The following ZNF214 variants were observed in gnomAD, a reference collection of about 807,000 sequenced individuals.
ZNF214 encodes BWSCR2-associated zinc finger protein 1.
In ZNF214, 43 loss-of-function variants were observed where a neutral mutation model predicts 53.9. The observed-to-expected ratio is 0.80, with a 90% confidence interval of 0.63 to 1.03. The LOEUF (loss-of-function observed/expected upper bound fraction) is 1.03. ZNF214 is among the 50% of genes least tolerant of loss of function. The pLI is 0.00. For synonymous variants in ZNF214, 217 were observed against 229.5 expected, an observed-to-expected ratio of 0.95 and a Z score of 0.49; for missense variants, 724 against 719.1, an observed-to-expected ratio of 1.01 and a Z score of -0.08.
intron 1 of ZNF214, among the ~76,000 whole-genome samples, chr11:7,016,758 A>G (rs939093977): frequency 3.3e-5 from 5 of 152,204 alleles, no homozygotes; most frequent in Non-Finnish European, 7.4e-5. Context: ...AGTAAAAAGA[A>G]TGTTTAAATT....
rs1178566495 is a variant in ZNF214, at chr11:6,999,821, A to G, written c.*41T>C. 6.5e-7 allele frequency: 1 copy of G among 1,544,038 alleles called. No individual in the cohort carries two copies. Among genetic ancestry groups the G allele is most frequent in the Non-Finnish European group, 8.7e-7 (1 of 1,146,918 alleles). On this transcript the variant is annotated 3_prime_UTR_variant, in exon 3 of 3. Coordinates refer to ENST00000278314, the MANE Select transcript of ZNF214 (RefSeq NM_013249.4). Reference sequence around the variant, plus strand: ...GCAGGATTTATAGGGTTTAAAGGTTAGGTAAACTTTGATTAAAGCTGTTAA... The same window carrying G: ...GCAGGATTTATAGGGTTTAAAGGTTGGGTAAACTTTGATTAAAGCTGTTAA...
intron 1 of ZNF214, among the ~76,000 whole-genome samples, chr11:7,015,248 C>G (rs1026208705): frequency 6.6e-6 from 1 of 151,744 alleles, no homozygotes; most frequent in African/African-American, 2.4e-5. Flanking sequence ...AATACCAGAA[C>G]CTATATAAAG....
intron 1 of ZNF214, among the ~76,000 whole-genome samples, chr11:7,010,878 A>G (rs1402527529): frequency 6.6e-6 from 1 of 151,968 alleles, no homozygotes; most frequent in East Asian, 1.9e-4. Flanking sequence ...AACTATATAT[A>G]TAAGGATATT....
intron 1 of ZNF214, among the ~76,000 whole-genome samples, chr11:7,015,087 G>T: frequency 8.4e-6 from 1 of 118,960 alleles, no homozygotes; most frequent in Admixed American, 1.2e-4. Context: ...ATAATAATTA[G>T]AATTTTTTTT....
chr11:7,017,257 A>T (rs1293002577), intron 1 of ZNF214, among the ~76,000 whole-genome samples: 1 of 152,202 alleles, frequency 6.6e-6, no homozygotes, highest in African/African-American at 2.4e-5. Context: ...ATCATTCATC[A>T]AATGGTTGTA....
intron 1 of ZNF214, among the ~76,000 whole-genome samples, chr11:7,007,322 A>AAAT (rs66515975): frequency 0.65 from 97,678 of 149,730 alleles, 32,292 homozygotes; most frequent in East Asian, 0.86. Context: ...AAAAATAATA[A>AAAT]AATAATTATA....
chr11:7,000,559 A>G lies in ZNF214; in HGVS notation c.1124T>C (p.Val375Ala). The G allele has an allele frequency of 1.2e-6, 2 of 1,611,982 alleles. No individual in the cohort carries two copies. Among genetic ancestry groups the G allele is most frequent in the Non-Finnish European group, 1.7e-6 (2 of 1,179,074 alleles). Residue 375 changes from valine to alanine, a missense_variant, in exon 3 of 3, where the codon GTT (valine) becomes GCT (alanine). Physicochemically the swap from Val to Ala is moderately conservative, Grantham distance 64. Coordinates refer to ENST00000278314, the MANE Select transcript of ZNF214 (RefSeq NM_013249.4). ...TTCTCCTGTGTGGACTCTCTGATGA[A>G]CATGAAGTACTGAACTCCGATTAAA... ...KSFNRSSVLH[V>A]HQRVHTGEKP...
chr11:7,001,374 A>G lies in ZNF214; in HGVS notation c.309T>C (p.Cys103=). The G allele has an allele frequency of 6.2e-7, 1 of 1,613,202 alleles. No individual in the cohort carries two copies. The change falls in exon 3 of 3, where the codon TGT becomes TGC. Residue 103 remains cysteine (C), a synonymous_variant. Transcript: ENST00000278314. ...GTGTGGAGAGTATTAACCATTCCTGACACTGGGAACGATCTTGCTGTGTGA... is the reference window on the plus strand; with the variant it reads ...GTGTGGAGAGTATTAACCATTCCTGGCACTGGGAACGATCTTGCTGTGTGA... ...KDLTQQDRSQ[C]QEWLILSTQV... is the part of the protein sequence containing the mutation.
chr11:7,017,276 A>G (rs1851791387), intron 1 of ZNF214, among the ~76,000 whole-genome samples: 1 of 152,246 alleles, frequency 6.6e-6, no homozygotes, highest in African/African-American at 2.4e-5. Flanking sequence ...TAGGAGTTCA[A>G]GTTCACATAA....
At chr11:7,005,435 TTAAAA>T (rs1270104343) in intron 1 of ZNF214, among the ~76,000 whole-genome samples, 1 of 152,038 alleles carries the variant, frequency 6.6e-6, no homozygotes, top group Admixed American at 6.6e-5. Flanking sequence ...AAATTGAGTT[TTAAAA>T]TAAAGTGGCA....
intron 1 of ZNF214, chr11:7,015,974 T>C (rs1320500859): frequency 6.6e-6 from 1 of 151,426 alleles, no homozygotes; most frequent in Non-Finnish European, 1.5e-5. Context: ...ATCAAATTTG[T>C]GGGGGAAAGA....
intron 1 of ZNF214, among the ~76,000 whole-genome samples, chr11:7,017,357 A>G (rs184435741): frequency 2.0e-4 from 31 of 152,318 alleles, no homozygotes; most frequent in Admixed American, 1.6e-3. Context: ...CTGTTTTCCT[A>G]TTTCTCAGAG....
rs1399059151 is a variant in ZNF214 at position 6,999,779 on chromosome 11, A to G, written c.*83T>C. On this transcript the variant is annotated 3_prime_UTR_variant, in exon 3 of 3. Transcript: ENST00000278314. ...TTGCTTGGGATTACTTGTGTTATTT[A>G]TAAGATTTCCTTAACAGCAGGATTT... is the stretch of plus-strand genomic sequence containing the variant. The G allele has an allele frequency of 1.2e-5, 17 of 1,405,540 alleles. No individual in the cohort carries two copies. The highest frequency in any genetic ancestry group is 9.3e-5 in the Admixed American group (4 of 42,828). The allele number at this position is 1,405,540 out of a possible 1,614,324, so 87.1% of individuals were successfully genotyped here.
intron 1 of ZNF214, among the ~76,000 whole-genome samples, chr11:7,018,495 C>T (rs1335368454): frequency 4.5e-4 from 28 of 61,900 alleles, no homozygotes; most frequent in East Asian, 9.8e-4. Context: ...AATGTTAAGA[C>T]TTTTTTTTTT....
At chr11:7,003,883 T>C (rs928693292) in intron 1 of ZNF214, among the ~76,000 whole-genome samples, 2 of 151,856 alleles carry the variant, frequency 1.3e-5, no homozygotes, top group Non-Finnish European at 2.9e-5. Flanking sequence ...AGTGGTATAT[T>C]TTTAATGTTT....
At chr11:7,019,266 GA>G (rs1851853445) in intron 1 of ZNF214, among the ~76,000 whole-genome samples, 1 of 152,138 alleles carries the variant, frequency 6.6e-6, no homozygotes, top group African/African-American at 2.4e-5. Flanking sequence ...AGGTCCAAAA[GA>G]AGCCTATGAA....
intron 1 of ZNF214, among the ~76,000 whole-genome samples, chr11:7,012,552 CTAGT>C (rs1851630275): frequency 6.6e-6 from 1 of 151,708 alleles, no homozygotes; most frequent in African/African-American, 2.4e-5. Flanking sequence ...AAATCACAAG[CTAGT>C]TAATCAAAGG....
chr11:7,015,306 G>A (rs927993719), intron 1 of ZNF214, among the ~76,000 whole-genome samples: 12 of 152,086 alleles, frequency 7.9e-5, no homozygotes, highest in Admixed American at 5.9e-4. Context: ...GGTCGGGTGC[G>A]GTGGCTCATG....
In ZNF214 at chr11:6,999,772, G is replaced by A; in HGVS notation, c.*90C>T. 2 of 1,364,216 alleles carry A rather than the reference G, an allele frequency of 1.5e-6. No homozygotes were observed. The highest frequency in any genetic ancestry group is 2.0e-6 in the Non-Finnish European group (2 of 1,018,916). The allele number at this position is 1,364,216 out of a possible 1,614,324, so 84.5% of individuals were successfully genotyped here. ...ATAAATGTTGCTTGGGATTACTTGTGTTATTTATAAGATTTCCTTAACAGC... is the reference window on the plus strand; with the variant it reads ...ATAAATGTTGCTTGGGATTACTTGTATTATTTATAAGATTTCCTTAACAGC... On this transcript the variant is annotated 3_prime_UTR_variant, in exon 3 of 3. Transcript: ENST00000278314.
Sources: gnomAD v4.1 joint callset for allele counts (sites outside exome capture counted in the v4.1 genomes callset) on GRCh38, gnomAD v4.1.1 for gene constraint, MANE v1.5 for transcripts, NCBI Gene and HGNC (gene_info 2026-07-23, HGNC 2026-07-21) for gene names.